The following NFASC variants were observed in gnomAD, a reference collection of about 807,000 sequenced individuals.
The protein encoded by NFASC is neurofascin homolog.
A neutral mutation model predicts 147.5 loss-of-function variants in NFASC; 43 were observed. The ratio of observed to expected loss-of-function variants is 0.29; its 90% confidence interval spans 0.23 to 0.38. The LOEUF (loss-of-function observed/expected upper bound fraction) is 0.38. NFASC is among the 10% of genes least tolerant of loss of function. The pLI, the probability that NFASC is intolerant of heterozygous loss-of-function variation, is 1.00. For synonymous variants in NFASC, 622 were observed against 665.5 expected (o/e 0.93, Z 1.01); for missense variants, 1,320 against 1,689.0 (o/e 0.78, Z 3.83).
intron 27 of NFASC, among the ~76,000 whole-genome samples, chr1:205,007,764 G>A (rs886607504): frequency 1.3e-5 from 2 of 152,202 alleles, no homozygotes; most frequent in Admixed American, 6.5e-5. Flanking sequence ...TGAGGACAGG[G>A]TGGTGGGAGG....
chr1:204,933,001 C>T (rs2092502245), intron 2 of NFASC, among the ~76,000 whole-genome samples: 1 of 152,086 alleles, frequency 6.6e-6, no homozygotes, highest in African/African-American at 2.4e-5. Flanking sequence ...CTACAGCATG[C>T]AGTTAAAAAG....
At chr1:204,904,037 T>C (rs2085230548) in intron 1 of NFASC, among the ~76,000 whole-genome samples, 1 of 152,206 alleles carries the variant, frequency 6.6e-6, no homozygotes, top group African/African-American at 2.4e-5. Context: ...CTAAGAAACC[T>C]TGGACAAGTT....
chr1:204,973,473 G>A (rs1047366568), intron 12 of NFASC, 54 bp downstream of exon 12: 64 of 1,598,242 alleles, frequency 4.0e-5, no homozygotes, highest in Non-Finnish European at 4.5e-5. Context: ...CTGCACAGTC[G>A]CCCTGGGGCT....
chr1:205,012,218 C>T (rs2096266777), intron 28 of NFASC, among the ~76,000 whole-genome samples: 1 of 152,200 alleles, frequency 6.6e-6, no homozygotes, highest in Non-Finnish European at 1.5e-5. Context: ...GCTGAATGCT[C>T]ACACATCACA....
chr1:204,834,644 G>C (rs2102392630), intron 1 of NFASC, among the ~76,000 whole-genome samples: 1 of 152,136 alleles, frequency 6.6e-6, no homozygotes, highest in African/African-American at 2.4e-5. Flanking sequence ...TTGAGATCCA[G>C]AAAGAAGGCC....
At chr1:204,880,670 G>A (rs182968267) in intron 1 of NFASC, among the ~76,000 whole-genome samples, 2 of 152,276 alleles carry the variant, frequency 1.3e-5, no homozygotes, top group African/African-American at 4.8e-5. Flanking sequence ...ACTGTGAGAT[G>A]GCAAGAGGTT....
chr1:205,002,448 A>G, intron 26 of NFASC, 148 bp from the exon 27 acceptor site: 1 of 512,260 alleles, frequency 2.0e-6, no homozygotes, highest in Admixed American at 4.0e-5. Context: ...CTGCCTGGAA[A>G]CCTCCTGGTC....
Position 204,981,891 on chromosome 1 carries a change from G to A in NFASC, c.2341G>A (p.Val781Met). The A allele has an allele frequency of 6.2e-7, 1 of 1,608,906 alleles. No homozygotes were observed. Among genetic ancestry groups the A allele is most frequent in the Non-Finnish European group, 8.5e-7 (1 of 1,177,754 alleles). Reference sequence around the variant, plus strand: ...TCGAGAGGCCTGGAACAACGTCACAGTGTGGGGCTCTCGCTACGTGGTGGG... The same window carrying A: ...TCGAGAGGCCTGGAACAACGTCACAATGTGGGGCTCTCGCTACGTGGTGGG... Reference protein sequence around the residue: ...ETREAWNNVTVWGSRYVVGQT... With the variant: ...ETREAWNNVTMWGSRYVVGQT... Residue 781 changes from valine (V) to methionine (M), a missense_variant, in exon 21 of 30, where the codon GTG becomes ATG. Physicochemically the swap from Val to Met is conservative, Grantham distance 21. This residue lies in a region of NFASC where 981 missense variants were observed against 1,289.5 expected (regional missense o/e 0.76). Transcript: ENST00000339876.
intron 1 of NFASC, among the ~76,000 whole-genome samples, chr1:204,873,968 G>A (rs1334103165): frequency 1.3e-5 from 2 of 152,194 alleles, no homozygotes; most frequent in African/African-American, 4.8e-5. Flanking sequence ...CCAGACTGCG[G>A]GGGAACAGTC....
rs372237567 is a variant in NFASC at position 204,970,334 on chromosome 1, TC to T, written c.1004-279del. Among the ~76,000 whole-genome samples, 512 of 150,866 alleles carry T rather than the reference TC, an allele frequency of 3.4e-3. 1 individual carries two copies. The highest frequency in any genetic ancestry group is 6.8e-3 in the Middle Eastern group (2 of 294). The stretch of plus-strand genomic sequence containing the variant: ...AGTAGGTCTGAGATAGGCCCTAACA[TC>T]CCTTTTTTTAAAAAAAGCTCTTCAG... On this transcript the variant is annotated intron_variant, in intron 10 of 29. Transcript: ENST00000339876.
chr1:204,992,562 A>T (rs1486453197), intron 24 of NFASC, among the ~76,000 whole-genome samples: 3 of 152,302 alleles, frequency 2.0e-5, no homozygotes, highest in Non-Finnish European at 4.4e-5. Context: ...ACCCCTGTGA[A>T]GATGTGAGGC....
chr1:204,957,293 C>T (rs528403544), intron 7 of NFASC, among the ~76,000 whole-genome samples: 27 of 152,168 alleles, frequency 1.8e-4, no homozygotes, highest in Non-Finnish European at 3.4e-4. Flanking sequence ...AGAATTTGAA[C>T]CTTGGGGAGT....
At chr1:204,998,527 G>T (rs115002520) in intron 25 of NFASC, 2,760 of 152,356 alleles carry the variant, frequency 0.018, 40 homozygotes, top group Middle Eastern at 0.044. Context: ...AGTTAAGTGA[G>T]CTGTCAGGGA....
Position 204,979,693 on chromosome 1 carries a change from A to G in NFASC, c.2176+134A>G. 1.3e-6 allele frequency: 1 copy of G among 780,118 alleles called. No individual in the cohort carries two copies. The highest frequency in any genetic ancestry group is 2.2e-6 in the Non-Finnish European group (1 of 448,254). The allele number at this position is 780,118 out of a possible 1,614,324, so 48.3% of individuals were successfully genotyped here. On this transcript the variant is annotated intron_variant, in intron 19 of 29. Coordinates refer to ENST00000339876, the MANE Select transcript of NFASC (RefSeq NM_001005388.3). This position sits in a 1 kb window ranked among gnomAD's most constrained non-coding sequence, Gnocchi z 6.0. ...AGGCCCGGCCTCATCTGTGAGGCAG[A>G]GAGTAATAATAACACCTACATCACA... is the stretch of plus-strand genomic sequence containing the variant.
At chr1:204,976,478 A>G (rs1449056585) in intron 15 of NFASC, among the ~76,000 whole-genome samples, 193 bp from the exon 16 acceptor site, 1 of 152,192 alleles carries the variant, frequency 6.6e-6, no homozygotes, top group African/African-American at 2.4e-5. Context: ...GTTCCCCTCC[A>G]TCAAGTATGA....
At chr1:204,952,561 T>C (rs138489162) in intron 5 of NFASC, among the ~76,000 whole-genome samples, 1 of 152,320 alleles carries the variant, frequency 6.6e-6, no homozygotes, top group East Asian at 1.9e-4. Context: ...GGCTCTGTGT[T>C]AGGTTCTGTT....
chr1:204,883,715 T>C (rs12047900), intron 1 of NFASC, among the ~76,000 whole-genome samples: 10,639 of 152,282 alleles, frequency 0.07, 1,055 homozygotes, highest in East Asian at 0.21. Flanking sequence ...CACTGCTTAG[T>C]TCTGCACTGT....
chr1:204,841,189 G>A (rs1032672691), intron 1 of NFASC, among the ~76,000 whole-genome samples: 1 of 152,178 alleles, frequency 6.6e-6, no homozygotes, highest in Admixed American at 6.5e-5. Flanking sequence ...GCTTGACTTT[G>A]TCATCTCATT....
chr1:204,932,520 A>T (rs572018955), intron 2 of NFASC, among the ~76,000 whole-genome samples: 80 of 147,920 alleles, frequency 5.4e-4, no homozygotes, highest in African/African-American at 2.0e-3. Context: ...AAGGCATTTA[A>T]AAAAAAAAAA....
Sources: gnomAD v4.1 joint callset for allele counts (sites outside exome capture counted in the v4.1 genomes callset) on GRCh38, gnomAD v4.1.1 for gene constraint, gnomAD v4.1.1 regional missense constraint, Gnocchi (gnomAD v3.1) non-coding constraint, MANE v1.5 for transcripts, NCBI Gene and HGNC (gene_info 2026-07-23, HGNC 2026-07-21) for gene names.